The following ZFHX3 variants were observed in gnomAD, a reference collection of about 807,000 sequenced individuals.
ZFHX3 encodes the protein zinc finger homeobox 3.
In ZFHX3, 42 loss-of-function variants were observed where a neutral mutation model predicts 279.1. The observed-to-expected ratio is 0.15, with a 90% CI of 0.12 to 0.19. The LOEUF (loss-of-function observed/expected upper bound fraction) is 0.19, where lower values mean the gene tolerates loss of function less well. ZFHX3 is among the 10% of genes least tolerant of loss of function. The probability of loss-of-function intolerance (pLI) is 1.00; values close to 1 mark genes in which losing one functional copy is unlikely to be tolerated. For missense variants in ZFHX3, 4,981 were observed against 4,754.0 expected (o/e 1.05, Z -1.40); for synonymous variants, 2,293 against 1,957.8 (o/e 1.17, Z -4.52).
At chr16:73,247,096 C>T (rs745961604) in intron 5 of ZFHX3, among the ~76,000 whole-genome samples, 4 of 151,380 alleles carry the variant, frequency 2.6e-5, no homozygotes, top group Admixed American at 6.6e-5. Flanking sequence ...GTGTGTACTG[C>T]ATATATAATG....
intron 1 of ZFHX3, among the ~76,000 whole-genome samples, chr16:73,715,740 T>G (rs2053408520): frequency 6.6e-6 from 1 of 151,764 alleles, no homozygotes; most frequent in Non-Finnish European, 1.5e-5. Context: ...CCCTGCTAAT[T>G]TTTTTGTACT....
chr16:72,990,801 C>A (rs768549859), intron 1 of ZFHX3, among the ~76,000 whole-genome samples: 3 of 151,950 alleles, frequency 2.0e-5, no homozygotes, highest in Non-Finnish European at 4.4e-5. Flanking sequence ...AGCAACATGG[C>A]GAAACCCTGC....
intron 3 of ZFHX3, among the ~76,000 whole-genome samples, chr16:72,906,289 T>A (rs867262719): frequency 1.3e-5 from 2 of 151,542 alleles, no homozygotes; most frequent in African/African-American, 2.4e-5. Context: ...GGCCAAAACA[T>A]CCCCTGCTTA....
rs1165001056 is a variant in ZFHX3 at position 72,960,083 on chromosome 16, G to A, written c.63C>T (p.His21=). The A allele has an allele frequency of 1.2e-6, 2 of 1,613,004 alleles. No homozygotes were observed. Among genetic ancestry groups the A allele is most frequent in the Non-Finnish European group, 1.7e-6 (2 of 1,179,536 alleles). Residue 21 remains histidine (H), a synonymous_variant, in exon 2 of 10, where the codon CAC becomes CAT. Transcript: ENST00000268489. ...GKDNGCGIPQ[H]QQWTELNSTH... is the part of the protein sequence containing the mutation. Reference sequence around the variant, plus strand: ...TGCTGTTGAGTTCAGTCCATTGCTGGTGCTGAGGGATACCGCACCCATTGT... The same window carrying A: ...TGCTGTTGAGTTCAGTCCATTGCTGATGCTGAGGGATACCGCACCCATTGT...
intron 1 of ZFHX3, among the ~76,000 whole-genome samples, chr16:73,832,285 G>A (rs1961019487): frequency 6.6e-6 from 1 of 151,718 alleles, no homozygotes; most frequent in Non-Finnish European, 1.5e-5. Context: ...TCTGCTATAT[G>A]CTGAGGTTTC....
chr16:73,583,962 A>C (rs1049269263), intron 2 of ZFHX3, among the ~76,000 whole-genome samples: 2 of 152,224 alleles, frequency 1.3e-5, no homozygotes, highest in African/African-American at 4.8e-5. Flanking sequence ...TGAAAGGGCA[A>C]ATAAAAAATA....
intron 4 of ZFHX3, among the ~76,000 whole-genome samples, chr16:72,888,608 G>A (rs576942903): frequency 2.5e-4 from 38 of 152,332 alleles, no homozygotes; most frequent in African/African-American, 9.1e-4. Flanking sequence ...AACTATCAAG[G>A]GAAGTCAGAG....
intron 2 of ZFHX3, among the ~76,000 whole-genome samples, chr16:73,671,416 G>C (rs2052902846): frequency 6.6e-6 from 1 of 152,170 alleles, no homozygotes; most frequent in African/African-American, 2.4e-5. Flanking sequence ...AACACAGGCA[G>C]ATAAAGATGA....
intron 2 of ZFHX3, among the ~76,000 whole-genome samples, chr16:73,511,324 G>C (rs982258026): frequency 6.6e-6 from 1 of 152,134 alleles, no homozygotes; most frequent in African/African-American, 2.4e-5. Flanking sequence ...CCTATCATCT[G>C]AGATCACTTC....
intron 5 of ZFHX3, among the ~76,000 whole-genome samples, chr16:73,161,979 C>T (rs992928454): frequency 3.9e-5 from 6 of 152,130 alleles, no homozygotes; most frequent in Non-Finnish European, 8.8e-5. Context: ...TGGGAACAGC[C>T]CATTGTTATA....
chr16:73,578,370 G>A (rs3111346), intron 2 of ZFHX3, among the ~76,000 whole-genome samples: 73,071 of 149,004 alleles, frequency 0.49, 20,124 homozygotes, highest in East Asian at 0.8. Context: ...CTCAAGTTTC[G>A]TAGATGTTAA....
Position 72,958,061 on chromosome 16 carries a change from C to T in ZFHX3, c.2085G>A (p.Pro695=), listed in dbSNP as rs573445135. Residue 695 remains proline (P), a synonymous_variant, in exon 2 of 10, where the codon CCG becomes CCA. Transcript: ENST00000268489. Reference sequence around the variant, plus strand: ...AGTAGACACAGGAGCCCCCCGGCTCCGGGTGCTTCTCCTTCATGTGTGCCT... The same window carrying T: ...AGTAGACACAGGAGCCCCCCGGCTCTGGGTGCTTCTCCTTCATGTGTGCCT... ...TLEAHMKEKH[P]EPGGSCVYCK... is the part of the protein sequence containing the mutation. The T allele has an allele frequency of 3.5e-4, 564 of 1,613,820 alleles. 4 individuals are homozygous for T. In the South Asian group the frequency reaches 5.5e-3, roughly 16 times the overall value.
chr16:73,788,726 C>G (rs768272079), intron 1 of ZFHX3, among the ~76,000 whole-genome samples: 2 of 151,280 alleles, frequency 1.3e-5, no homozygotes, highest in Non-Finnish European at 2.9e-5. Flanking sequence ...ATATATATAT[C>G]TATATATAGA....
chr16:73,799,106 G>A (rs1440396997), intron 1 of ZFHX3, among the ~76,000 whole-genome samples: 3 of 152,070 alleles, frequency 2.0e-5, no homozygotes, highest in Admixed American at 2.0e-4. Context: ...CAGCCCTGTG[G>A]CAAATGCTGT....
intron 1 of ZFHX3, among the ~76,000 whole-genome samples, chr16:73,014,669 G>A (rs772653654): frequency 2.6e-5 from 4 of 151,812 alleles, no homozygotes; most frequent in South Asian, 2.1e-4. Flanking sequence ...TGGGATTACA[G>A]GCAGGCACCA....
intron 1 of ZFHX3, among the ~76,000 whole-genome samples, chr16:73,831,923 T>C (rs2729617): frequency 0.013 from 2,020 of 152,276 alleles, 53 homozygotes; most frequent in African/African-American, 0.045. Context: ...GTTTTTGAAA[T>C]GGAGTCTCTC....
chr16:72,787,682 G>GGCAGTGGTACGAGCC lies in ZFHX3; in HGVS notation c.10579_10593dup (p.Gly3527_Cys3531dup). The stretch of plus-strand genomic sequence containing the variant: ...CCACAGAGCGCGCTCTCGCACGCCA[G>GGCAGTGGTACGAGCC]GCAGTGGTACGAGCCGCCGCCGCCG... On this transcript the variant is annotated inframe_insertion, in exon 10 of 10. Coordinates refer to ENST00000268489, the MANE Select transcript of ZFHX3 (RefSeq NM_006885.4). 1 of 1,516,382 alleles carries GGCAGTGGTACGAGCC rather than the reference G, an allele frequency of 6.6e-7. No homozygotes were observed. Among genetic ancestry groups the GGCAGTGGTACGAGCC allele is most frequent in the Non-Finnish European group, 8.8e-7 (1 of 1,130,556 alleles). The allele number at this position is 1,516,382 out of a possible 1,614,324, so 93.9% of individuals were successfully genotyped here. A position where few individuals can be genotyped will look rare whatever the true frequency, so the allele number is the denominator to read the frequency against.
At chr16:73,349,798 C>T (rs1567457601) in intron 3 of ZFHX3, among the ~76,000 whole-genome samples, 1 of 95,588 alleles carries the variant, frequency 1.0e-5, no homozygotes, top group South Asian at 3.5e-4. Flanking sequence ...TCCTTGTTCC[C>T]TCTTCCCTCC....
At chr16:73,293,089 G>A (rs752728762) in intron 4 of ZFHX3, among the ~76,000 whole-genome samples, 14 of 152,122 alleles carry the variant, frequency 9.2e-5, no homozygotes, top group East Asian at 1.9e-4. Flanking sequence ...CTTCAAACCC[G>A]GCTGCGATGT....
Sources: gnomAD v4.1 joint callset for allele counts (sites outside exome capture counted in the v4.1 genomes callset) on GRCh38, gnomAD v4.1.1 for gene constraint, MANE v1.5 for transcripts, NCBI Gene and HGNC (gene_info 2026-07-23, HGNC 2026-07-21) for gene names.